EYS: variants seen among roughly 807,000 people sequenced by gnomAD.
EYS encodes the protein protein eyes shut homolog.
In EYS, 250 loss-of-function variants were observed where a neutral mutation model predicts 282.1. The observed-to-expected ratio is 0.89, with a 90% confidence interval of 0.80 to 0.98. EYS has a LOEUF of 0.98. EYS is among the 50% of genes least tolerant of loss of function. EYS has a pLI of 0.00. For synonymous variants in EYS, 1,355 were observed against 1,282.9 expected (o/e 1.06, Z -1.20); for missense variants, 4,016 against 3,709.0 (o/e 1.08, Z -2.15).
chr6:64,689,190 G>A lies in EYS; in HGVS notation c.3444-62945C>T, dbSNP rs1425802697. Among the ~76,000 whole-genome samples, 3 of 152,230 alleles carry A rather than the reference G, an allele frequency of 2.0e-5. No individual in the cohort carries two copies. In the South Asian group the frequency reaches 6.2e-4, roughly 32 times the overall value. On this transcript the variant is annotated intron_variant, in intron 22 of 42. Coordinates refer to ENST00000503581, the MANE Select transcript of EYS (RefSeq NM_001142800.2). ...TATACACTAATAACAGACAAACAGA[G>A]AGCCAAATCATGAGTGAACTCCCAT...
chr6:65,077,435 A>G (rs1012826291), intron 12 of EYS, among the ~76,000 whole-genome samples: 13 of 152,142 alleles, frequency 8.5e-5, no homozygotes, highest in Non-Finnish European at 4.4e-5. Context: ...GGCACTGAAG[A>G]AAACGCTCTA....
chr6:64,647,288 G>A (rs144216572), intron 22 of EYS, among the ~76,000 whole-genome samples: 141 of 152,056 alleles, frequency 9.3e-4, no homozygotes, highest in African/African-American at 3.2e-3. Flanking sequence ...ACTGAGAAAG[G>A]TCAAAATTAA....
intron 22 of EYS, among the ~76,000 whole-genome samples, chr6:64,700,055 C>T (rs1770725740): frequency 1.3e-5 from 2 of 151,940 alleles, no homozygotes; most frequent in South Asian, 4.1e-4. Flanking sequence ...GGGTTTTATT[C>T]CAGGGAACCA....
At chr6:65,204,872 CTGGAAGAACGTA>C (rs1473947687) in intron 12 of EYS, among the ~76,000 whole-genome samples, 2 of 148,230 alleles carry the variant, frequency 1.3e-5, no homozygotes, top group African/African-American at 2.5e-5. Flanking sequence ...TTTATATATT[CTGGAAGAACGTA>C]TTTATATATT....
Position 65,552,918 on chromosome 6 carries a change from G to C in EYS, c.-332-56925C>G, listed in dbSNP as rs115244329. Among the ~76,000 whole-genome samples, 1,328 of 149,912 alleles carry C rather than the reference G, an allele frequency of 8.9e-3. 17 individuals carry two copies. Among genetic ancestry groups the C allele is most frequent in the African/African-American group, 0.031 (1,279 of 41,356 alleles). ...TAAGGTACTTATTTTAAACAATAAA[G>C]CCAAATATCGAGGAAATTGCATTAA... On this transcript the variant is annotated intron_variant, in intron 2 of 42. Coordinates refer to ENST00000503581, the MANE Select transcript of EYS (RefSeq NM_001142800.2).
chr6:64,303,027 C>T (rs113747338), intron 30 of EYS, among the ~76,000 whole-genome samples: 2,944 of 152,202 alleles, frequency 0.019, 81 homozygotes, highest in African/African-American at 0.059. Context: ...CATCCCCATG[C>T]TGAAAAAGAC....
chr6:64,074,093 G>T (rs1313054492), intron 32 of EYS, among the ~76,000 whole-genome samples: 1 of 151,436 alleles, frequency 6.6e-6, no homozygotes, highest in Non-Finnish European at 1.5e-5. Flanking sequence ...TTTTTTTTCT[G>T]AATGTTTTAT....
In EYS at chr6:64,720,080, A is replaced by G. The variant is rs938882669; in HGVS notation, c.3443+93298T>C. Among the ~76,000 whole-genome samples the G allele has an allele frequency of 9.3e-4, 141 of 152,258 alleles. 1 individual carries two copies. The highest frequency in any genetic ancestry group is 3.1e-3 in the African/African-American group (128 of 41,550). On this transcript the variant is annotated intron_variant, in intron 22 of 42. Transcript: ENST00000503581. Reference sequence around the variant, plus strand: ...AGGTCTGAAGTTGAAAATGGGTCTCACTGGTATAAAGTCAATGTATCAGAG... The same window carrying G: ...AGGTCTGAAGTTGAAAATGGGTCTCGCTGGTATAAAGTCAATGTATCAGAG...
intron 12 of EYS, among the ~76,000 whole-genome samples, chr6:65,058,635 T>C (rs983993989): frequency 6.6e-6 from 1 of 150,902 alleles, no homozygotes; most frequent in African/African-American, 2.4e-5. Flanking sequence ...AACAAATAAA[T>C]GTCCATTAAC....
At chr6:64,408,772 C>T (rs1443874985) in intron 28 of EYS, among the ~76,000 whole-genome samples, 1 of 152,098 alleles carries the variant, frequency 6.6e-6, no homozygotes, top group African/African-American at 2.4e-5. Flanking sequence ...TTTCTTCCAA[C>T]TTGTATTAGG....
At chr6:65,416,529 A>G (rs1164044904) in intron 5 of EYS, among the ~76,000 whole-genome samples, 1 of 152,020 alleles carries the variant, frequency 6.6e-6, no homozygotes, top group Non-Finnish European at 1.5e-5. Flanking sequence ...AGAAATCATA[A>G]TGGGGCTTCT....
Position 64,822,686 on chromosome 6 carries a change from G to C in EYS, c.3129C>G (p.Ala1043=). The stretch of plus-strand genomic sequence containing the variant: ...GACAAGGATTTGAAAGGCAATCATT[G>C]GCGTTTGTTTCACAGTGTGTTCCAA... ...GFFGTHCETN[A]NDCLSNPCLH... is the part of the protein sequence containing the mutation. Residue 1043 remains alanine (A), a synonymous_variant, in exon 20 of 43, where the codon GCC becomes GCG. Coordinates refer to ENST00000503581, the MANE Select transcript of EYS (RefSeq NM_001142800.2). 1 of 1,545,220 alleles carries C rather than the reference G, an allele frequency of 6.5e-7. No homozygotes were observed.
At chr6:64,488,913 G>T (rs1776653622) in intron 26 of EYS, among the ~76,000 whole-genome samples, 1 of 150,818 alleles carries the variant, frequency 6.6e-6, no homozygotes, top group African/African-American at 2.4e-5. Context: ...GATTTGTATG[G>T]TGCCAGGCAC....
At chr6:65,236,461 A>C (rs953920391) in intron 12 of EYS, among the ~76,000 whole-genome samples, 6 of 152,036 alleles carry the variant, frequency 3.9e-5, no homozygotes, top group African/African-American at 1.4e-4. Context: ...AATACAAAAA[A>C]TTAGCCGGGC....
intron 2 of EYS, among the ~76,000 whole-genome samples, chr6:65,543,459 T>C (rs995519180): frequency 2.7e-5 from 4 of 148,266 alleles, no homozygotes; most frequent in Admixed American, 2.0e-4. Context: ...ATACTATTTA[T>C]ATATTAATTA....
At chr6:64,048,673 T>C (rs552533850) in intron 33 of EYS, among the ~76,000 whole-genome samples, 4 of 150,878 alleles carry the variant, frequency 2.7e-5, no homozygotes, top group Admixed American at 2.0e-4. Context: ...TATTATGAAG[T>C]GCCCATGTTC....
chr6:63,759,957 T>C (rs1306491987), intron 41 of EYS, among the ~76,000 whole-genome samples: 1 of 152,024 alleles, frequency 6.6e-6, no homozygotes, highest in Non-Finnish European at 1.5e-5. Flanking sequence ...TAAAGAATTG[T>C]TGGCATGAGA....
At chr6:63,781,174 A>T (rs1770213706) in intron 39 of EYS, among the ~76,000 whole-genome samples, 1 of 152,182 alleles carries the variant, frequency 6.6e-6, no homozygotes, top group Admixed American at 6.5e-5. Flanking sequence ...GTTTGAAGTC[A>T]CGTAGCGTGA....
chr6:64,256,871 A>C (rs1247954205), intron 30 of EYS, among the ~76,000 whole-genome samples: 1 of 152,096 alleles, frequency 6.6e-6, no homozygotes, highest in Admixed American at 6.6e-5. Context: ...GCAAATAGTT[A>C]CATCACGGAT....
Sources: gnomAD v4.1 joint callset for allele counts (sites outside exome capture counted in the v4.1 genomes callset) on GRCh38, gnomAD v4.1.1 for gene constraint, MANE v1.5 for transcripts, NCBI Gene and HGNC (gene_info 2026-07-23, HGNC 2026-07-21) for gene names.